EFCAB11: variants seen among roughly 807,000 people sequenced by gnomAD.
EFCAB11 encodes the protein EF-hand calcium binding domain 11, also known as EF-hand calcium-binding domain-containing protein 11.
In EFCAB11, 14 loss-of-function variants were observed where a neutral mutation model predicts 23.0. That is an observed-to-expected ratio of 0.61 (90% CI 0.40 to 0.95). The LOEUF is 0.95. Among genes scored for constraint, EFCAB11 ranks in the 40% least tolerant of loss-of-function variants. EFCAB11 has a pLI of 0.00. For synonymous variants in EFCAB11, 65 were observed against 66.6 expected (o/e 0.98, Z 0.11); for missense variants, 198 against 195.8 (o/e 1.01, Z -0.07).
chr14:89,812,740 TA>T (rs1886186873), intron 5 of EFCAB11, among the ~76,000 whole-genome samples: 1 of 152,238 alleles, frequency 6.6e-6, no homozygotes, highest in African/African-American at 2.4e-5. Context: ...CAAAAATGCT[TA>T]GATCATCACC....
intron 5 of EFCAB11, among the ~76,000 whole-genome samples, chr14:89,930,710 G>A (rs1295882667): frequency 1.3e-5 from 2 of 152,194 alleles, no homozygotes; most frequent in African/African-American, 2.4e-5. Context: ...GATCCTTCCC[G>A]ACTGTGTGGT....
intron 3 of EFCAB11, among the ~76,000 whole-genome samples, chr14:89,942,334 G>T (rs565912807): frequency 1.3e-5 from 2 of 152,172 alleles, no homozygotes; most frequent in Non-Finnish European, 2.9e-5. Context: ...TTCAGGAAAT[G>T]ATTGCTGCAA....
At chr14:89,839,781 C>G (rs1384936795) in intron 5 of EFCAB11, among the ~76,000 whole-genome samples, 2 of 149,036 alleles carry the variant, frequency 1.3e-5, no homozygotes, top group Non-Finnish European at 3.0e-5. Context: ...CTTCACATGG[C>G]TGGAGCAGGG....
At chr14:89,868,442 A>G (rs1358220202) in intron 5 of EFCAB11, among the ~76,000 whole-genome samples, 2 of 152,252 alleles carry the variant, frequency 1.3e-5, no homozygotes, top group Non-Finnish European at 2.9e-5. Flanking sequence ...TCAATTTTGT[A>G]TGAAATTCCA....
chr14:89,912,695 T>C (rs1161754769), intron 5 of EFCAB11, among the ~76,000 whole-genome samples: 2 of 152,220 alleles, frequency 1.3e-5, no homozygotes, highest in Non-Finnish European at 2.9e-5. Flanking sequence ...CGACGAAAGA[T>C]AAAAACTTGT....
At chr14:89,814,095 T>C (rs926350389) in intron 5 of EFCAB11, among the ~76,000 whole-genome samples, 1 of 151,716 alleles carries the variant, frequency 6.6e-6, no homozygotes, top group Non-Finnish European at 1.5e-5. Flanking sequence ...ACCTTTTTTT[T>C]TTTTTCCACT....
chr14:89,849,268 C>A (rs1486880197), intron 5 of EFCAB11, among the ~76,000 whole-genome samples: 1 of 152,222 alleles, frequency 6.6e-6, no homozygotes, highest in Non-Finnish European at 1.5e-5. Context: ...ACCATCTTTG[C>A]CTGGCTGACT....
At chr14:89,951,725 T>C (rs146044979) in intron 2 of EFCAB11, among the ~76,000 whole-genome samples, 152 of 151,316 alleles carry the variant, frequency 1.0e-3, no homozygotes, top group Non-Finnish European at 1.7e-3. Context: ...CTGGCCAACA[T>C]TGGTGAAACC....
At chr14:89,942,443 G>C (rs1196465402) in intron 3 of EFCAB11, among the ~76,000 whole-genome samples, 1 of 152,000 alleles carries the variant, frequency 6.6e-6, no homozygotes, top group Non-Finnish European at 1.5e-5. Context: ...CTGAAGCCTA[G>C]GTTCCTCATT....
intron 5 of EFCAB11, among the ~76,000 whole-genome samples, chr14:89,835,677 G>C (rs1000074827): frequency 6.8e-6 from 1 of 147,484 alleles, no homozygotes; most frequent in African/African-American, 2.6e-5. Context: ...GCCCAGGCTG[G>C]AGTGCAGTGG....
chr14:89,905,677 T>C (rs1211685950), intron 5 of EFCAB11, among the ~76,000 whole-genome samples: 1 of 152,040 alleles, frequency 6.6e-6, no homozygotes, highest in African/African-American at 2.4e-5. Flanking sequence ...TGGAGAGAAG[T>C]AACAGGAAAA....
chr14:89,919,885 A>G (rs1889969087), intron 5 of EFCAB11, among the ~76,000 whole-genome samples: 1 of 152,194 alleles, frequency 6.6e-6, no homozygotes, highest in African/African-American at 2.4e-5. Flanking sequence ...GGAGAGAAGA[A>G]GAGCAGATAA....
rs141964338 is a variant in EFCAB11 at position 89,892,494 on chromosome 14, G to C, written c.410+39047C>G. ...AGTCCCAGCCTTAGCCCACCTGGTG[G>C]GATGGGGAATGTTAGTATCTCTCTG... On this transcript the variant is annotated intron_variant, in intron 5 of 5. Coordinates refer to ENST00000316738, the MANE Select transcript of EFCAB11 (RefSeq NM_145231.4). 7.8e-4 allele frequency: 1,104 copies of C among 1,412,258 alleles called. 6 individuals are homozygous for C. The African/African-American group carries it at 0.013, about 17-fold the overall frequency. The allele number at this position is 1,412,258 out of a possible 1,614,324, so 87.5% of individuals were successfully genotyped here.
chr14:89,912,361 C>T (rs1052777662), intron 5 of EFCAB11, among the ~76,000 whole-genome samples: 1 of 151,986 alleles, frequency 6.6e-6, no homozygotes, highest in African/African-American at 2.4e-5. Flanking sequence ...CAAATCAAAA[C>T]AGGAGTTGAT....
chr14:89,858,211 T>C (rs1465980081), intron 5 of EFCAB11, among the ~76,000 whole-genome samples: 1 of 152,180 alleles, frequency 6.6e-6, no homozygotes, highest in African/African-American at 2.4e-5. Flanking sequence ...GACAGGGCCA[T>C]GTGGTAAGAA....
chr14:89,946,485 A>C (rs569602942), intron 3 of EFCAB11, among the ~76,000 whole-genome samples: 7 of 152,326 alleles, frequency 4.6e-5, no homozygotes, highest in Non-Finnish European at 7.4e-5. Context: ...TAACTAAAAC[A>C]TTAATGATTG....
intron 5 of EFCAB11, among the ~76,000 whole-genome samples, chr14:89,922,983 G>C (rs1890068540): frequency 6.6e-6 from 1 of 152,184 alleles, no homozygotes. Context: ...TTTAACATGA[G>C]AGAGGACTTC....
chr14:89,824,224 C>A (rs1186248801), intron 5 of EFCAB11, among the ~76,000 whole-genome samples: 2 of 152,034 alleles, frequency 1.3e-5, no homozygotes, highest in African/African-American at 4.8e-5. Flanking sequence ...TAAAAACTAC[C>A]ACTGACTTCT....
intron 5 of EFCAB11, among the ~76,000 whole-genome samples, chr14:89,811,674 G>A (rs1886154790): frequency 6.6e-6 from 1 of 152,192 alleles, no homozygotes; most frequent in Admixed American, 6.5e-5. Context: ...GAAGGCAGGG[G>A]CCTCTGGAAG....
Sources: allele counts gnomAD v4.1 joint callset (sites outside exome capture counted in the v4.1 genomes callset), GRCh38; gene constraint gnomAD v4.1.1; transcripts MANE v1.5; gene names NCBI Gene and HGNC (gene_info 2026-07-23, HGNC 2026-07-21).